The following PPAT variants were observed in gnomAD, a reference collection of about 807,000 sequenced individuals.
PPAT encodes amidophosphoribosyltransferase.
A neutral mutation model predicts 60.2 loss-of-function variants in PPAT; 20 were observed. That is an observed-to-expected ratio of 0.33 (90% CI 0.23 to 0.48). PPAT has a LOEUF of 0.48. Ranked by LOEUF, PPAT falls within the 20% of genes least tolerant of loss-of-function variation. PPAT has a pLI of 0.99. For missense variants in PPAT, 349 were observed against 629.6 expected, an observed-to-expected ratio of 0.55 and a Z score of 4.77; for synonymous variants, 194 against 215.1, an observed-to-expected ratio of 0.90 and a Z score of 0.86.
intron 1 of PPAT, chr4:56,410,866 C>T (rs1716416714): frequency 1.1e-6 from 1 of 945,734 alleles, no homozygotes; most frequent in African/African-American, 2.0e-5. Context: ...TGGAAACGCT[C>T]AGCCCAAGTA....
At position 56,406,694 on chromosome 4, in the gene PPAT, C is replaced by T; in HGVS notation, c.203G>A (p.Gly68Asp). The change falls in exon 3 of 11, where the codon GGT (glycine) becomes GAT (aspartate). Residue 68 changes from glycine (G) to aspartate (D), a missense_variant. Coordinates refer to ENST00000264220, the MANE Select transcript of PPAT (RefSeq NM_002703.5). ...VPTFKSHKGMGLVNHVFTEDN... is the reference protein window; with the variant it reads ...VPTFKSHKGMDLVNHVFTEDN... ...TTCAGTAAAGACGTGATTTACAAGA[C>T]CCATTCCCTTGAGAAATCAAAAAGT... 1 of 1,607,112 alleles carries T rather than the reference C, an allele frequency of 6.2e-7. No individual in the cohort carries two copies. Among genetic ancestry groups the T allele is most frequent in the Non-Finnish European group, 8.5e-7 (1 of 1,174,086 alleles).
At chr4:56,432,400 C>T (rs1304367500) in intron 1 of PPAT, among the ~76,000 whole-genome samples, 9 of 151,708 alleles carry the variant, frequency 5.9e-5, no homozygotes, top group Admixed American at 2.6e-4. Context: ...TGGTGGCGGG[C>T]GCCTGTAATC....
Position 56,435,432 on chromosome 4 carries a change from C to T in PPAT, c.46G>A (p.Gly16Arg), listed in dbSNP as rs1329521516. The T allele has an allele frequency of 6.2e-7, 1 of 1,613,834 alleles. No homozygotes were observed. The highest frequency in any genetic ancestry group is 8.5e-7 in the Non-Finnish European group (1 of 1,179,894). The change falls in exon 1 of 11, where the codon GGG (glycine) becomes AGG (arginine). Residue 16 changes from glycine to arginine, a missense_variant. Coordinates refer to ENST00000264220, the MANE Select transcript of PPAT (RefSeq NM_002703.5). ...GGCCACTCTCCTGAGGCGATGCACC[C>T]GAACACGCCACATTCCTCTCGGATC... Reference protein sequence around the residue: ...LGIREECGVFGCIASGEWPTQ... With the variant: ...LGIREECGVFRCIASGEWPTQ...
chr4:56,404,383 A>T (rs540327487), intron 3 of PPAT, among the ~76,000 whole-genome samples: 154 of 152,368 alleles, frequency 1.0e-3, no homozygotes, highest in African/African-American at 3.6e-3. Context: ...TACTGATAGA[A>T]GAAAGTAATC....
Position 56,396,817 on chromosome 4 carries a change from GT to G in PPAT, c.1237-79del. The G allele has an allele frequency of 4.3e-6, 6 of 1,395,532 alleles. No homozygotes were observed. Among genetic ancestry groups the G allele is most frequent in the Non-Finnish European group, 5.8e-6 (6 of 1,033,748 alleles). 86.4% of individuals were successfully genotyped at this position (1,395,532 alleles called of 1,614,324 possible). On this transcript the variant is annotated intron_variant, in intron 9 of 10. Transcript: ENST00000264220. The surrounding 1 kb of genome is among the most constrained non-coding windows in gnomAD (Gnocchi z 4.6). ...CATTGTGCAAATACAATACAAAATT[GT>G]TTTGCAGAATATTCAGTAACAACAT...
chr4:56,410,911 A>G (rs1185326129), intron 1 of PPAT: 13 of 950,362 alleles, frequency 1.4e-5, no homozygotes, highest in Non-Finnish European at 1.6e-5. Flanking sequence ...AAAAAAAAAA[A>G]AAAAAAAAAA....
intron 1 of PPAT, among the ~76,000 whole-genome samples, chr4:56,409,017 G>A (rs1273668665): frequency 6.6e-6 from 1 of 152,100 alleles, no homozygotes; most frequent in Non-Finnish European, 1.5e-5. Context: ...TCCATTCCTT[G>A]GAGTTGGTGT....
Position 56,396,136 on chromosome 4 carries a change from TATC to T in PPAT, c.1357+480_1357+482del, listed in dbSNP as rs372126151. 2.1e-3 allele frequency among the ~76,000 whole-genome samples: 327 copies of T among 152,300 alleles called. 10 individuals carry two copies. The South Asian group carries it at 0.038, about 18-fold the overall frequency. On this transcript the variant is annotated intron_variant, in intron 10 of 10. Coordinates refer to ENST00000264220, the MANE Select transcript of PPAT (RefSeq NM_002703.5). The surrounding 1 kb of genome is among the most constrained non-coding windows in gnomAD (Gnocchi z 4.6). ...GAGGTACCAAGGCACAATGACTAAA[TATC>T]ATGTGTTATTTCCACAGTTTATACA... is the stretch of plus-strand genomic sequence containing the variant.
At chr4:56,428,065 AGTCT>A (rs1291934874) in intron 1 of PPAT, among the ~76,000 whole-genome samples, 2 of 152,230 alleles carry the variant, frequency 1.3e-5, no homozygotes, top group Admixed American at 6.5e-5. Flanking sequence ...TAATGAGAAC[AGTCT>A]GTCTTATAAT....
At chr4:56,402,283 G>A in intron 5 of PPAT, 102 bp from the exon 6 acceptor site, 1 of 770,662 alleles carries the variant, frequency 1.3e-6, no homozygotes. Flanking sequence ...AAAACTCATA[G>A]AATAGCCATT....
intron 1 of PPAT, chr4:56,422,192 GGAA>G (rs1717072526): frequency 6.6e-6 from 1 of 152,028 alleles, no homozygotes; most frequent in Admixed American, 6.6e-5. Flanking sequence ...GAGAATCCTT[GGAA>G]CCTGGGAGGC....
chr4:56,397,319 C>G (rs1315553351), intron 9 of PPAT, among the ~76,000 whole-genome samples: 1 of 152,114 alleles, frequency 6.6e-6, no homozygotes, highest in Non-Finnish European at 1.5e-5. Flanking sequence ...TTCTTTTTCA[C>G]TATTGCAATA....
intron 5 of PPAT, 142 bp downstream of exon 5, chr4:56,402,898 G>A (rs1716152097): frequency 3.5e-6 from 2 of 572,222 alleles, no homozygotes; most frequent in South Asian, 6.9e-5. Flanking sequence ...CTTTAAAAAG[G>A]AAGAATACAT....
rs749766197 is a variant in PPAT at position 56,406,531 on chromosome 4, A to G, written c.366T>C (p.Asn122=). 2 of 1,612,824 alleles carry G rather than the reference A, an allele frequency of 1.2e-6. No individual in the cohort carries two copies. Among genetic ancestry groups the G allele is most frequent in the Admixed American group, 3.3e-5 (2 of 60,032 alleles). The change falls in exon 3 of 11, where the codon AAT becomes AAC. Residue 122 remains asparagine (N), a synonymous_variant. Coordinates refer to ENST00000264220, the MANE Select transcript of PPAT (RefSeq NM_002703.5). The part of the protein sequence containing the change: ...TLHGKIAVAH[N]GELVNAARLR... ...ATCGAGCAGCATTTACCAATTCGCC[A>G]TTATGTGCCACAGCTATCTTCCCAT... is the stretch of plus-strand genomic sequence containing the variant.
At chr4:56,411,142 T>A (rs901560741) in intron 1 of PPAT, among the ~76,000 whole-genome samples, 1 of 152,120 alleles carries the variant, frequency 6.6e-6, no homozygotes, top group Non-Finnish European at 1.5e-5. Context: ...AAAAGCACAT[T>A]ACAATGGCAC....
chr4:56,407,804 A>C (rs1716285372), intron 1 of PPAT, 88 bp from the exon 2 acceptor site: 2 of 1,027,442 alleles, frequency 1.9e-6, no homozygotes, highest in South Asian at 2.6e-5. Flanking sequence ...CTCAACAAGC[A>C]TCCATGAACT....
At chr4:56,402,508 A>G (rs772382979) in intron 5 of PPAT, among the ~76,000 whole-genome samples, 1 of 152,166 alleles carries the variant, frequency 6.6e-6, no homozygotes, top group Non-Finnish European at 1.5e-5. Context: ...AGGAATCTCT[A>G]TTAAAAACAT....
At chr4:56,401,756 T>C (rs1343501672) in intron 6 of PPAT, among the ~76,000 whole-genome samples, 2 of 152,180 alleles carry the variant, frequency 1.3e-5, no homozygotes, top group Non-Finnish European at 2.9e-5. Context: ...GAAAACATTT[T>C]CTCCTGGCTT....
Position 56,435,578 on chromosome 4 carries a change from C to G in PPAT, c.-101G>C. 2 of 1,583,128 alleles carry G rather than the reference C, an allele frequency of 1.3e-6. No individual in the cohort carries two copies. The highest frequency in any genetic ancestry group is 1.7e-6 in the Non-Finnish European group (2 of 1,161,904). On this transcript the variant is annotated 5_prime_UTR_variant, in exon 1 of 11. Coordinates refer to ENST00000264220, the MANE Select transcript of PPAT (RefSeq NM_002703.5). ...CGTCGAGCTCAGAAGCTCGCGCTCG[C>G]GACAGGCTCTTCCTTCCCGAGGGTG...
Sources: allele counts gnomAD v4.1 joint callset (sites outside exome capture counted in the v4.1 genomes callset), GRCh38; gene constraint gnomAD v4.1.1; non-coding constraint Gnocchi (gnomAD v3.1); transcripts MANE v1.5; gene names NCBI Gene and HGNC (gene_info 2026-07-23, HGNC 2026-07-21).